SH2D4A: variants seen among roughly 807,000 people sequenced by gnomAD.
The protein encoded by SH2D4A is SH2 domain containing 4A.
SH2D4A carries 70 observed loss-of-function variants against 64.7 expected under a neutral mutation model. The ratio of observed to expected loss-of-function variants is 1.08; its 90% CI spans 0.89 to 1.32. The LOEUF (loss-of-function observed/expected upper bound fraction) is 1.32. Ranked by LOEUF, SH2D4A falls within the 40% of genes most tolerant of loss-of-function variation. SH2D4A has a pLI of 0.00. For synonymous variants in SH2D4A, 268 were observed against 200.7 expected, an observed-to-expected ratio of 1.34 and a Z score of -2.83; for missense variants, 706 against 540.1, an observed-to-expected ratio of 1.31 and a Z score of -3.04.
chr8:19,323,134 G>A (rs2052219712), intron 2 of SH2D4A, among the ~76,000 whole-genome samples: 1 of 151,910 alleles, frequency 6.6e-6, no homozygotes. Context: ...TGCTTGCTGG[G>A]GTAGCTAGAG....
In SH2D4A at chr8:19,378,354, T is replaced by C. The variant is rs187562079; in HGVS notation, c.1048+4694T>C. Among the ~76,000 whole-genome samples, 800 of 152,344 alleles carry C rather than the reference T, an allele frequency of 5.3e-3. 4 individuals are homozygous for C. Among genetic ancestry groups the C allele is most frequent in the Non-Finnish European group, 8.9e-3 (607 of 68,024 alleles). ...GCACAATCCACCCATATTTTATTTT[T>C]GCATAGAATAGACATGGAGACTCTA... is the stretch of plus-strand genomic sequence containing the variant. On this transcript the variant is annotated intron_variant, in intron 8 of 9. Coordinates refer to ENST00000265807, the MANE Select transcript of SH2D4A (RefSeq NM_022071.4).
At chr8:19,394,450 T>G (rs2153652894) in intron 9 of SH2D4A, 100 bp from the exon 10 acceptor site, 1 of 743,294 alleles carries the variant, frequency 1.3e-6, no homozygotes, top group South Asian at 2.6e-5. Context: ...AAAAGCTTTG[T>G]GTAAATCATG....
chr8:19,314,988 A>T (rs1173273795), intron 1 of SH2D4A, among the ~76,000 whole-genome samples: 1 of 152,216 alleles, frequency 6.6e-6, no homozygotes, highest in South Asian at 2.1e-4. Flanking sequence ...TGTATTGTTA[A>T]TGTTATAGTT....
intron 4 of SH2D4A, among the ~76,000 whole-genome samples, chr8:19,337,636 C>T (rs963854884): frequency 3.9e-5 from 6 of 152,174 alleles, no homozygotes; most frequent in African/African-American, 1.4e-4. Context: ...AATGGACTTA[C>T]AGTTCCATGT....
Position 19,319,625 on chromosome 8 carries a change from C to A in SH2D4A, c.78C>A (p.Ile26=). The A allele has an allele frequency of 6.2e-7, 1 of 1,611,008 alleles. No homozygotes were observed. Among genetic ancestry groups the A allele is most frequent in the South Asian group, 1.1e-5 (1 of 90,232 alleles). Residue 26 remains isoleucine (I), a synonymous_variant, in exon 2 of 10, where the codon ATC becomes ATA. Transcript: ENST00000265807. ...LAELSEEQKQ[I]LFFKMREEQI... ...AGCTCAGCGAAGAACAGAAACAGAT[C>A]CTGTTCTTCAAGATGAGAGAGGAAC...
chr8:19,345,715 T>C (rs778103706), intron 4 of SH2D4A, among the ~76,000 whole-genome samples: 7 of 152,154 alleles, frequency 4.6e-5, no homozygotes, highest in Non-Finnish European at 7.4e-5. Flanking sequence ...CATGCAACAG[T>C]TTCTGTGGTT....
At position 19,364,074 on chromosome 8, in the gene SH2D4A, C is replaced by G; in HGVS notation, c.709C>G (p.Arg237Gly). 2 of 1,613,814 alleles carry G rather than the reference C, an allele frequency of 1.2e-6. No individual in the cohort carries two copies. The highest frequency in any genetic ancestry group is 1.1e-5 in the South Asian group (1 of 91,072). ...KEDSEWQASL[R>G]KSKAADEKRR... is the part of the protein sequence containing the mutation. ...CTCCGACCCCGTTGTTTTTCCAGTG[C>G]GAAAATCCAAAGCAGCTGATGAGAA... is the stretch of plus-strand genomic sequence containing the variant. The change falls in exon 7 of 10, where the codon CGA (arginine) becomes GGA (glycine). Residue 237 changes from arginine (R) to glycine (G), a missense_variant and splice_region_variant. Arg to Gly is a moderately radical substitution (Grantham distance 125). Coordinates refer to ENST00000265807, the MANE Select transcript of SH2D4A (RefSeq NM_022071.4).
intron 6 of SH2D4A, among the ~76,000 whole-genome samples, chr8:19,363,059 C>G (rs913512789): frequency 6.6e-6 from 1 of 151,848 alleles, no homozygotes; most frequent in Non-Finnish European, 1.5e-5. Context: ...TATACCTTTG[C>G]TATGTTGGGG....
chr8:19,392,744 G>A (rs1486301688), intron 8 of SH2D4A, among the ~76,000 whole-genome samples: 1 of 148,776 alleles, frequency 6.7e-6, no homozygotes, highest in Non-Finnish European at 1.5e-5. Flanking sequence ...TTTTTTTTTT[G>A]TTTTGTTTTT....
chr8:19,355,176 C>G (rs1435937898), intron 4 of SH2D4A, among the ~76,000 whole-genome samples: 1 of 152,010 alleles, frequency 6.6e-6, no homozygotes, highest in Non-Finnish European at 1.5e-5. Flanking sequence ...AGAAGGGTTA[C>G]CTGCCTCCTA....
intron 4 of SH2D4A, among the ~76,000 whole-genome samples, chr8:19,345,696 C>A (rs1315406716): frequency 6.6e-6 from 1 of 152,228 alleles, no homozygotes; most frequent in East Asian, 1.9e-4. Context: ...GAGAGCTGTA[C>A]CTTCCTGCCA....
Position 19,313,762 on chromosome 8 carries a change from T to G in SH2D4A, c.-266T>G. 1.3e-6 allele frequency: 2 copies of G among 1,510,324 alleles called. No individual in the cohort carries two copies. The highest frequency in any genetic ancestry group is 1.8e-6 in the Non-Finnish European group (2 of 1,134,934). 93.6% of individuals were successfully genotyped at this position (1,510,324 alleles called of 1,614,324 possible). On this transcript the variant is annotated 5_prime_UTR_variant, in exon 1 of 10. Coordinates refer to ENST00000265807, the MANE Select transcript of SH2D4A (RefSeq NM_022071.4). ...TCCCTCCCTCCCTTCCCCGACGGCT[T>G]CTGGCGGCCAAGTGGATGTGGCGGG...
At position 19,361,186 on chromosome 8, in the gene SH2D4A, G is replaced by A. The variant is rs58037995; in HGVS notation, c.595-17G>A. ...TTTTGTTTTGTTTTTGTTTTTTTTT[G>A]TTTTGTTTTTAAACAGAAGAAAGAA... On this transcript the variant is annotated splice_polypyrimidine_tract_variant and intron_variant, in intron 5 of 9. Transcript: ENST00000265807. 2,768 of 1,374,074 alleles carry A rather than the reference G, an allele frequency of 2.0e-3. 45 individuals carry two copies. The African/African-American group carries it at 0.036, about 18-fold the overall frequency. 85.1% of individuals were successfully genotyped at this position (1,374,074 alleles called of 1,614,324 possible). A position where few individuals can be genotyped will look rare whatever the true frequency, so the allele number is the denominator to read the frequency against.
chr8:19,378,457 T>C (rs977861262), intron 8 of SH2D4A, among the ~76,000 whole-genome samples: 1 of 152,182 alleles, frequency 6.6e-6, no homozygotes, highest in African/African-American at 2.4e-5. Context: ...TGTTTTGAGA[T>C]GGAGTCTCGC....
At chr8:19,326,509 C>G (rs1210255449) in intron 2 of SH2D4A, among the ~76,000 whole-genome samples, 1 of 152,170 alleles carries the variant, frequency 6.6e-6, no homozygotes, top group Non-Finnish European at 1.5e-5. Flanking sequence ...ACGTTGCTAC[C>G]ACTGTCCCCT....
At chr8:19,320,450 C>A (rs1356864792) in intron 2 of SH2D4A, among the ~76,000 whole-genome samples, 3 of 151,926 alleles carry the variant, frequency 2.0e-5, no homozygotes, top group Non-Finnish European at 4.4e-5. Flanking sequence ...TATAGTGAGA[C>A]CTTTTCTTTA....
At chr8:19,388,477 A>G (rs2053427743) in intron 8 of SH2D4A, among the ~76,000 whole-genome samples, 1 of 152,216 alleles carries the variant, frequency 6.6e-6, no homozygotes, top group African/African-American at 2.4e-5. Context: ...TGACCTACCC[A>G]AATGACCTTA....
intron 8 of SH2D4A, chr8:19,375,412 C>T (rs979247760): frequency 6.6e-6 from 1 of 152,096 alleles, no homozygotes; most frequent in African/African-American, 2.4e-5. Flanking sequence ...TTTTCTTTGT[C>T]ACATCCACCA....
intron 6 of SH2D4A, chr8:19,363,785 A>T: frequency 9.5e-6 from 4 of 422,476 alleles, no homozygotes; most frequent in Non-Finnish European, 1.7e-5. Flanking sequence ...AACTGCAGGA[A>T]ATTCTTGCAC....
Sources: gnomAD v4.1 joint callset for allele counts (sites outside exome capture counted in the v4.1 genomes callset) on GRCh38, gnomAD v4.1.1 for gene constraint, MANE v1.5 for transcripts, NCBI Gene and HGNC (gene_info 2026-07-23, HGNC 2026-07-21) for gene names.